Variants in LMBR1 observed in about 807,000 individuals in gnomAD.
The protein encoded by LMBR1 is limb development membrane protein 1, also known as limb region 1 protein homolog.
A neutral mutation model predicts 73.9 loss-of-function variants in LMBR1; 52 were observed. The observed-to-expected ratio is 0.70, with a 90% CI of 0.56 to 0.89. The LOEUF is 0.89. Among genes scored for constraint, LMBR1 ranks in the 40% least tolerant of loss-of-function variants. LMBR1 has a pLI of 0.00. For synonymous variants in LMBR1, 215 were observed against 209.4 expected, an observed-to-expected ratio of 1.03 and a Z score of -0.23; for missense variants, 539 against 579.8, an observed-to-expected ratio of 0.93 and a Z score of 0.72.
In LMBR1 at chr7:156,769,743, T is replaced by G. The variant is rs540832602; in HGVS notation, c.424-5948A>C. The stretch of plus-strand genomic sequence containing the variant: ...TGCTCCCAAGTCTTATGGATGGATG[T>G]TGCATATGCGACAGATCTGTGCAGC... On this transcript the variant is annotated intron_variant, in intron 5 of 16. Transcript: ENST00000353442. 1.6e-4 allele frequency among the ~76,000 whole-genome samples: 25 copies of G among 152,326 alleles called. No homozygotes were observed. In the South Asian group the frequency reaches 4.8e-3, roughly 29 times the overall value.
chr7:156,721,839 A>C (rs971543367), intron 15 of LMBR1, among the ~76,000 whole-genome samples: 3 of 152,138 alleles, frequency 2.0e-5, no homozygotes, highest in Non-Finnish European at 4.4e-5. Context: ...TTCAGTTAGT[A>C]CAAAATTTTT....
At chr7:156,708,571 G>A (rs1450633118) in intron 15 of LMBR1, among the ~76,000 whole-genome samples, 1 of 152,110 alleles carries the variant, frequency 6.6e-6, no homozygotes, top group Non-Finnish European at 1.5e-5. Flanking sequence ...GTGGAATTAG[G>A]GTGGGGTTAC....
Position 156,669,858 on chromosome 7 carries a change from G to A in LMBR1, n.867-571C>T, listed in dbSNP as rs1003636818. On this transcript the variant is annotated intron_variant and non_coding_transcript_variant, in intron 4 of 4. Transcript: ENST00000430825. The surrounding 1 kb of genome is among the most constrained non-coding windows in gnomAD (Gnocchi z 4.2). ...CGTGCAGTTGGGCCTGCAGCACGCAGGGCTTGGGGACTCTGTTCCAGGTGA... is the reference window on the plus strand; with the variant it reads ...CGTGCAGTTGGGCCTGCAGCACGCAAGGCTTGGGGACTCTGTTCCAGGTGA... Among the ~76,000 whole-genome samples, 8 of 152,176 alleles carry A rather than the reference G, an allele frequency of 5.3e-5. No homozygotes were observed. Among genetic ancestry groups the A allele is most frequent in the African/African-American group, 1.9e-4 (8 of 41,464 alleles).
intron 15 of LMBR1, among the ~76,000 whole-genome samples, chr7:156,695,629 A>G (rs1341232669): frequency 6.6e-6 from 1 of 152,164 alleles, no homozygotes; most frequent in African/African-American, 2.4e-5. Context: ...ATGGTGTTAA[A>G]CCATGAGAAA....
intron 1 of LMBR1, among the ~76,000 whole-genome samples, chr7:156,857,307 T>C (rs909146929): frequency 2.0e-5 from 3 of 152,148 alleles, no homozygotes; most frequent in Non-Finnish European, 2.9e-5. Flanking sequence ...CAAACCATGT[T>C]AACAATAATC....
chr7:156,855,515 A>G (rs1185607087), intron 1 of LMBR1, among the ~76,000 whole-genome samples: 1 of 152,216 alleles, frequency 6.6e-6, no homozygotes, highest in Non-Finnish European at 1.5e-5. Flanking sequence ...AACAATTACA[A>G]AAGGCATAAC....
At chr7:156,676,690 A>T (rs1368526477), downstream of LMBR1, 3 of 1,542,100 alleles carry the variant, frequency 1.9e-6, no homozygotes, top group Non-Finnish European at 2.7e-6. Context: ...AATTCTGAGG[A>T]AAAAAGTTTA....
rs534746017 is a variant in LMBR1, at chr7:156,725,519, A to T, written c.1074T>A (p.Leu358=). ...AGAAGCCGACAACAGAGGACACCAT[A>T]AGATAGCTGTGAGAATCAAGGAAAA... is the stretch of plus-strand genomic sequence containing the variant. ...AALEIILIFY[L]MVSSVVGFYS... The change falls in exon 14 of 17, where the codon CTT becomes CTA. Residue 358 remains leucine (L), a synonymous_variant. Coordinates refer to ENST00000353442, the MANE Select transcript of LMBR1 (RefSeq NM_022458.4). 3 of 1,587,624 alleles carry T rather than the reference A, an allele frequency of 1.9e-6. No individual in the cohort carries two copies. Among genetic ancestry groups the T allele is most frequent in the South Asian group, 1.1e-5 (1 of 87,580 alleles).
At chr7:156,801,127 C>T (rs991037833) in intron 4 of LMBR1, among the ~76,000 whole-genome samples, 1 of 152,180 alleles carries the variant, frequency 6.6e-6, no homozygotes, top group East Asian at 1.9e-4. Flanking sequence ...TTTGAAAGAA[C>T]TTCTACTGTG....
chr7:156,816,151 A>G (rs139423813), intron 4 of LMBR1, among the ~76,000 whole-genome samples: 2 of 152,152 alleles, frequency 1.3e-5, no homozygotes, highest in Admixed American at 6.5e-5. Context: ...TTATTAAAAC[A>G]AAGATAGTTT....
At chr7:156,823,419 T>C (rs953299188) in intron 4 of LMBR1, 8 of 152,170 alleles carry the variant, frequency 5.3e-5, no homozygotes, top group Admixed American at 5.2e-4. Flanking sequence ...ATAATTTTCA[T>C]TCTAATTTCC....
intron 9 of LMBR1, among the ~76,000 whole-genome samples, chr7:156,749,913 TC>T (rs1249215399): frequency 6.6e-6 from 1 of 152,108 alleles, no homozygotes; most frequent in Non-Finnish European, 1.5e-5. Flanking sequence ...GGTCTTGAAC[TC>T]CCAACCTCAG....
intron 9 of LMBR1, among the ~76,000 whole-genome samples, chr7:156,755,758 A>C (rs1294530240): frequency 6.6e-6 from 1 of 152,244 alleles, no homozygotes; most frequent in African/African-American, 2.4e-5. Context: ...CCTCTAGAAC[A>C]GATACAAACT....
downstream of LMBR1, chr7:156,676,190 A>G: frequency 7.5e-7 from 1 of 1,334,044 alleles, no homozygotes; most frequent in Non-Finnish European, 1.0e-6. Context: ...TGCTTATCAC[A>G]GGTGGGTTAC....
chr7:156,890,418 C>T (rs1802694094), intron 1 of LMBR1, among the ~76,000 whole-genome samples: 1 of 152,148 alleles, frequency 6.6e-6, no homozygotes, highest in South Asian at 2.1e-4. Flanking sequence ...GAAATATGTG[C>T]AGTATATATT....
At chr7:156,777,793 C>G (rs1461943192) in intron 5 of LMBR1, among the ~76,000 whole-genome samples, 1 of 152,226 alleles carries the variant, frequency 6.6e-6, no homozygotes, top group Non-Finnish European at 1.5e-5. Context: ...TTCTCTATCT[C>G]TGCTCCTCCT....
intron 8 of LMBR1, among the ~76,000 whole-genome samples, chr7:156,759,783 A>G (rs1251255145): frequency 6.6e-6 from 1 of 150,750 alleles, no homozygotes; most frequent in African/African-American, 2.4e-5. Flanking sequence ...CGACTGGCAA[A>G]TGGAGTAATG....
chr7:156,675,554 C>CAT, downstream of LMBR1: 1 of 651,034 alleles, frequency 1.5e-6, no homozygotes, highest in South Asian at 2.0e-5. Flanking sequence ...GTAAAATAGA[C>CAT]ATATATCTAT....
intron 4 of LMBR1, among the ~76,000 whole-genome samples, chr7:156,672,749 CACTT>C (rs1258197452): frequency 6.6e-6 from 1 of 152,218 alleles, no homozygotes; most frequent in Non-Finnish European, 1.5e-5. Flanking sequence ...GTGGCCCGCA[CACTT>C]ACTCTGTTCC....
Sources: allele counts gnomAD v4.1 joint callset (sites outside exome capture counted in the v4.1 genomes callset), GRCh38; gene constraint gnomAD v4.1.1; non-coding constraint Gnocchi (gnomAD v3.1); transcripts MANE v1.5; gene names NCBI Gene and HGNC (gene_info 2026-07-23, HGNC 2026-07-21).